Variants in UBE2E1 observed in about 807,000 individuals in gnomAD.
UBE2E1 encodes ubiquitin conjugating enzyme E2 E1.
A neutral mutation model predicts 21.4 loss-of-function variants in UBE2E1; 6 were observed. The observed-to-expected ratio is 0.28, with a 90% CI of 0.15 to 0.55. UBE2E1 has a LOEUF of 0.55. UBE2E1 is among the 20% of genes least tolerant of loss of function. The probability of loss-of-function intolerance (pLI) is 0.93; values close to 1 mark genes in which losing one functional copy is unlikely to be tolerated. For missense variants in UBE2E1, 142 were observed against 236.5 expected (o/e 0.60, Z 2.62); for synonymous variants, 87 against 82.7 (o/e 1.05, Z -0.28).
chr3:23,830,575 A>C (rs139396485), intron 3 of UBE2E1, among the ~76,000 whole-genome samples: 172 of 152,304 alleles, frequency 1.1e-3, no homozygotes, highest in Admixed American at 1.0e-2. Flanking sequence ...TTGGTTGTGT[A>C]GAAGCTCCTT....
At chr3:23,840,032 T>G (rs1202304132) in intron 3 of UBE2E1, among the ~76,000 whole-genome samples, 1 of 152,186 alleles carries the variant, frequency 6.6e-6, no homozygotes, top group Non-Finnish European at 1.5e-5. Context: ...GAATAATTTT[T>G]ATGGCTGACT....
intron 3 of UBE2E1, chr3:23,879,201 A>G: frequency 1.1e-6 from 1 of 887,358 alleles, no homozygotes; most frequent in South Asian, 1.3e-5. Flanking sequence ...TCTAGAGTCC[A>G]CAACAAATAC....
At chr3:23,855,644 A>G (rs919603659) in intron 3 of UBE2E1, among the ~76,000 whole-genome samples, 13 of 152,098 alleles carry the variant, frequency 8.5e-5, no homozygotes, top group Non-Finnish European at 1.3e-4. Flanking sequence ...CCTGGCTAAC[A>G]TGATGAAACC....
rs901650441 is a variant in UBE2E1 at position 23,863,393 on chromosome 3, C to T, written c.204-24174C>T. On this transcript the variant is annotated intron_variant, in intron 3 of 5. Transcript: ENST00000306627. The surrounding 1 kb of genome is among the most constrained non-coding windows in gnomAD (Gnocchi z 4.3). ...CCAAGTTATTCTCTCACCTTTTCCC[C>T]TCTCCCTTTCTCCCTCTGTGCCCTT... Among the ~76,000 whole-genome samples the T allele has an allele frequency of 1.3e-5, 2 of 152,016 alleles. No individual in the cohort carries two copies. The highest frequency in any genetic ancestry group is 4.8e-5 in the African/African-American group (2 of 41,374).
chr3:23,861,811 G>A (rs1017003661), intron 3 of UBE2E1, among the ~76,000 whole-genome samples: 7 of 152,186 alleles, frequency 4.6e-5, no homozygotes, highest in African/African-American at 1.7e-4. Context: ...TTCCCTTCTG[G>A]CTGCCCCATC....
chr3:23,842,250 G>GTTGT lies in UBE2E1; in HGVS notation c.203+30741_203+30742insTGTT. On this transcript the variant is annotated intron_variant, in intron 3 of 5. Transcript: ENST00000306627. The surrounding 1 kb of genome is among the most constrained non-coding windows in gnomAD (Gnocchi z 4.6). The stretch of plus-strand genomic sequence containing the variant: ...GTGTGTGTGTGTGTGTGTGTGTGTG[G>GTTGT]TGTTGTTGTTGTTGGCGACAGGGTC... Among the ~76,000 whole-genome samples the GTTGT allele has an allele frequency of 1.2e-5, 1 of 86,370 alleles. No homozygotes were observed. Among genetic ancestry groups the GTTGT allele is most frequent in the Middle Eastern group, 7.0e-3 (1 of 142 alleles). The allele number at this position is 86,370 out of a possible 152,430, so 56.7% of individuals were successfully genotyped here.
intron 3 of UBE2E1, among the ~76,000 whole-genome samples, chr3:23,850,468 C>G (rs1013005886): frequency 1.3e-5 from 2 of 151,806 alleles, no homozygotes; most frequent in African/African-American, 4.8e-5. Context: ...TCTTTTGTTG[C>G]ATGTGTTTTG....
intron 3 of UBE2E1, among the ~76,000 whole-genome samples, chr3:23,884,716 C>CATG (rs1701137864): frequency 6.6e-6 from 1 of 152,152 alleles, no homozygotes; most frequent in Non-Finnish European, 1.5e-5. Flanking sequence ...CCAAGTTGAA[C>CATG]ATGAACAGTA....
chr3:23,846,698 CAAA>C (rs10662469), intron 3 of UBE2E1, among the ~76,000 whole-genome samples: 3 of 89,842 alleles, frequency 3.3e-5, no homozygotes, highest in Admixed American at 1.4e-4. Flanking sequence ...TCCATCTCAT[CAAA>C]AAAAAAAAAA....
chr3:23,830,417 T>TTTTTTG (rs3035201), intron 3 of UBE2E1, among the ~76,000 whole-genome samples: 7,009 of 138,710 alleles, frequency 0.051, 209 homozygotes, highest in South Asian at 0.12. Context: ...GTGGGTTCAT[T>TTTTTTG]TTTTTGTTTT....
intron 3 of UBE2E1, among the ~76,000 whole-genome samples, chr3:23,814,034 G>A (rs1047177518): frequency 6.6e-6 from 1 of 152,130 alleles, no homozygotes; most frequent in Non-Finnish European, 1.5e-5. Flanking sequence ...CATTCAGTGT[G>A]TAGTTTTAAA....
chr3:23,848,538 C>T (rs1384724547), intron 3 of UBE2E1, among the ~76,000 whole-genome samples: 1 of 151,714 alleles, frequency 6.6e-6, no homozygotes, highest in Non-Finnish European at 1.5e-5. Context: ...GTTTCCATCA[C>T]GTTCTCTTAC....
chr3:23,851,608 A>G (rs1169505698), intron 3 of UBE2E1, among the ~76,000 whole-genome samples: 2 of 152,020 alleles, frequency 1.3e-5, no homozygotes, highest in Admixed American at 1.3e-4. Flanking sequence ...GTTTGAGATG[A>G]GCCTGATTAA....
At chr3:23,881,895 G>A (rs907639885) in intron 3 of UBE2E1, among the ~76,000 whole-genome samples, 15 of 152,144 alleles carry the variant, frequency 9.9e-5, no homozygotes, top group Non-Finnish European at 1.9e-4. Context: ...GCAGACCTTC[G>A]TGGTGAGTGT....
At chr3:23,839,463 C>CA (rs954877106) in intron 3 of UBE2E1, among the ~76,000 whole-genome samples, 2 of 150,188 alleles carry the variant, frequency 1.3e-5, no homozygotes, top group Non-Finnish European at 3.0e-5. Flanking sequence ...GAGTCTGTCT[C>CA]AAAAAAAGAA....
At chr3:23,867,899 T>G (rs1030997059) in intron 3 of UBE2E1, among the ~76,000 whole-genome samples, 6 of 152,212 alleles carry the variant, frequency 3.9e-5, no homozygotes, top group African/African-American at 1.4e-4. Context: ...AATCTGTCCT[T>G]CAATGTGACC....
rs1028190077 is a variant in UBE2E1 at position 23,853,058 on chromosome 3, A to C, written c.204-34509A>C. The stretch of plus-strand genomic sequence containing the variant: ...CAGCCTCCCAAGTAGCTGGGATTAC[A>C]GGCATGCGGCACCACACCCAGCTAA... On this transcript the variant is annotated intron_variant, in intron 3 of 5. Transcript: ENST00000306627. This position sits in a 1 kb window ranked among gnomAD's most constrained non-coding sequence, Gnocchi z 4.1. Among the ~76,000 whole-genome samples, 4 of 152,118 alleles carry C rather than the reference A, an allele frequency of 2.6e-5. No individual in the cohort carries two copies. Among genetic ancestry groups the C allele is most frequent in the African/African-American group, 9.6e-5 (4 of 41,492 alleles).
At chr3:23,845,589 C>CTCTG (rs1553637998) in intron 3 of UBE2E1, among the ~76,000 whole-genome samples, 119 of 121,354 alleles carry the variant, frequency 9.8e-4, no homozygotes, top group Non-Finnish European at 1.6e-3. Flanking sequence ...CTCTCTCTCT[C>CTCTG]TGTGTGTGTG....
At chr3:23,824,292 C>G (rs1203456987) in intron 3 of UBE2E1, among the ~76,000 whole-genome samples, 1 of 152,164 alleles carries the variant, frequency 6.6e-6, no homozygotes, top group Non-Finnish European at 1.5e-5. Context: ...GCTCCCTTCT[C>G]TGTCTCTGTG....
Sources: allele counts gnomAD v4.1 joint callset (sites outside exome capture counted in the v4.1 genomes callset), GRCh38; gene constraint gnomAD v4.1.1; non-coding constraint Gnocchi (gnomAD v3.1); transcripts MANE v1.5; gene names NCBI Gene and HGNC (gene_info 2026-07-23, HGNC 2026-07-21).